Variants in GRK5 observed in about 807,000 individuals in gnomAD.
GRK5 encodes the protein g protein-coupled receptor kinase GRK5.
A neutral mutation model predicts 78.4 loss-of-function variants in GRK5; 40 were observed. That is an observed-to-expected ratio of 0.51 (90% CI 0.40 to 0.66). The LOEUF is 0.66. GRK5 is among the 30% of genes least tolerant of loss of function. GRK5 has a pLI of 0.00. For missense variants in GRK5, 598 were observed against 759.9 expected (o/e 0.79, Z 2.50); for synonymous variants, 289 against 296.8 (o/e 0.97, Z 0.27).
At chr10:119,227,959 TTTATC>T (rs1207484426) in intron 1 of GRK5, among the ~76,000 whole-genome samples, 1 of 152,142 alleles carries the variant, frequency 6.6e-6, no homozygotes, top group Non-Finnish European at 1.5e-5. Flanking sequence ...CGTCTAAGAT[TTTATC>T]TTAAGGAAAA....
In GRK5 at chr10:119,240,189, C is replaced by CTTTTT. The variant is rs55905745; in HGVS notation, c.52+32245_52+32249dup. Reference sequence around the variant, plus strand: ...ATCCTCTCCAGCATCTGTTTCCCGACTTTTTTTTTTTTTTTTTTTTTTTTT... The same window carrying CTTTTT: ...ATCCTCTCCAGCATCTGTTTCCCGACTTTTTTTTTTTTTTTTTTTTTTTTTTTTTT... On this transcript the variant is annotated intron_variant, in intron 1 of 15. Coordinates refer to ENST00000392870, the MANE Select transcript of GRK5 (RefSeq NM_005308.3). Among the ~76,000 whole-genome samples, 41 of 70,100 alleles carry CTTTTT rather than the reference C, an allele frequency of 5.8e-4. 6 individuals are homozygous for CTTTTT. Among genetic ancestry groups the CTTTTT allele is most frequent in the Non-Finnish European group, 7.5e-4 (28 of 37,578 alleles). 46.0% of individuals were successfully genotyped at this position (70,100 alleles called of 152,430 possible).
intron 4 of GRK5, among the ~76,000 whole-genome samples, chr10:119,402,921 A>G (rs1437907120): frequency 6.6e-6 from 1 of 152,238 alleles, no homozygotes; most frequent in Non-Finnish European, 1.5e-5. Context: ...TTCTCATACC[A>G]TAGAACTAAT....
chr10:119,283,696 TC>T (rs1849800520), intron 1 of GRK5, among the ~76,000 whole-genome samples: 2 of 152,126 alleles, frequency 1.3e-5, no homozygotes, highest in African/African-American at 4.8e-5. Flanking sequence ...TTCCCTGAGA[TC>T]CCAGAGTCAT....
rs1458831259 is a variant in GRK5, at chr10:119,452,825, A to G, written c.1542+17A>G. ...CAAAACGAGGTGAGCAGGGCAGACC[A>G]CTTGCTTTGGTCTGGGTGGGAGGGA... On this transcript the variant is annotated intron_variant, in intron 14 of 15. Coordinates refer to ENST00000392870, the MANE Select transcript of GRK5 (RefSeq NM_005308.3). The surrounding 1 kb of genome is among the most constrained non-coding windows in gnomAD (Gnocchi z 4.4). 2.9e-6 allele frequency: 3 copies of G among 1,019,912 alleles called. No homozygotes were observed. The highest frequency in any genetic ancestry group is 4.3e-6 in the Non-Finnish European group (3 of 703,888). The allele number at this position is 1,019,912 out of a possible 1,614,324, so 63.2% of individuals were successfully genotyped here.
chr10:119,413,108 G>A (rs942950253), intron 4 of GRK5, among the ~76,000 whole-genome samples: 4 of 152,066 alleles, frequency 2.6e-5, no homozygotes, highest in African/African-American at 7.2e-5. Flanking sequence ...GGAGGAGGGC[G>A]TTCTCTCCTA....
chr10:119,371,221 C>T (rs1851541285), intron 2 of GRK5, among the ~76,000 whole-genome samples: 1 of 152,222 alleles, frequency 6.6e-6, no homozygotes, highest in South Asian at 2.1e-4. Context: ...TCCCCGCTCC[C>T]CGTCCCCAGG....
intron 1 of GRK5, among the ~76,000 whole-genome samples, chr10:119,245,325 C>T (rs991582969): frequency 3.3e-5 from 5 of 152,054 alleles, no homozygotes; most frequent in African/African-American, 1.2e-4. Flanking sequence ...ATTTGCACTC[C>T]CTTGTTCATT....
chr10:119,351,120 C>T (rs1280874412), intron 2 of GRK5, among the ~76,000 whole-genome samples: 6 of 151,986 alleles, frequency 3.9e-5, no homozygotes, highest in Non-Finnish European at 8.8e-5. Context: ...ATGTGTTATG[C>T]ATTTATTTTA....
chr10:119,326,251 G>C (rs1027282535), intron 1 of GRK5, among the ~76,000 whole-genome samples: 3 of 152,264 alleles, frequency 2.0e-5, no homozygotes, highest in Admixed American at 6.5e-5. Flanking sequence ...GGGGATGCCT[G>C]GTGTGGGTGG....
At chr10:119,344,122 A>AT (rs1274147642) in intron 2 of GRK5, among the ~76,000 whole-genome samples, 1 of 135,082 alleles carries the variant, frequency 7.4e-6, no homozygotes, top group Non-Finnish European at 1.6e-5. Flanking sequence ...TTTATTTTTT[A>AT]TTTTTTTGGC....
Position 119,417,999 on chromosome 10 carries a change from G to A in GRK5, c.340-5167G>A, listed in dbSNP as rs556453979. 5.3e-4 allele frequency among the ~76,000 whole-genome samples: 81 copies of A among 152,334 alleles called. 1 individual carries two copies. The highest frequency in any genetic ancestry group is 1.9e-3 in the African/African-American group (77 of 41,582). ...GAACCAGTGGCATAGAGCAGAGAGC[G>A]AGTCTGGGCCATAGGGAAGAGGTGG... On this transcript the variant is annotated intron_variant, in intron 4 of 15. Coordinates refer to ENST00000392870, the MANE Select transcript of GRK5 (RefSeq NM_005308.3).
In GRK5 at chr10:119,267,841, C is replaced by T. The variant is rs1849526375; in HGVS notation, c.53-58675C>T. On this transcript the variant is annotated intron_variant, in intron 1 of 15. Transcript: ENST00000392870. The surrounding 1 kb of genome is among the most constrained non-coding windows in gnomAD (Gnocchi z 4.1). ...GTCAGAAGATGGGTCCTCTCCACCC[C>T]AGCTCCTCCACACTCCCCACCCCCC... 6.6e-6 allele frequency among the ~76,000 whole-genome samples: 1 copy of T among 152,164 alleles called. No homozygotes were observed. Among genetic ancestry groups the T allele is most frequent in the Non-Finnish European group, 1.5e-5 (1 of 68,034 alleles).
intron 4 of GRK5, among the ~76,000 whole-genome samples, chr10:119,419,997 A>C (rs1852536970): frequency 6.6e-6 from 1 of 152,134 alleles, no homozygotes; most frequent in Non-Finnish European, 1.5e-5. Context: ...AGAGTGGGGC[A>C]CAGGTGGCCC....
At chr10:119,285,338 AG>A (rs1849830370) in intron 1 of GRK5, among the ~76,000 whole-genome samples, 1 of 152,066 alleles carries the variant, frequency 6.6e-6, no homozygotes, top group Non-Finnish European at 1.5e-5. Flanking sequence ...GTACAGTGGG[AG>A]GGTGGGTGGT....
intron 8 of GRK5, among the ~76,000 whole-genome samples, chr10:119,432,713 C>T (rs539819890): frequency 8.5e-5 from 13 of 152,252 alleles, no homozygotes; most frequent in African/African-American, 3.1e-4. Context: ...GCATCATTCT[C>T]CTGAAGAGAT....
intron 4 of GRK5, among the ~76,000 whole-genome samples, chr10:119,421,696 G>A (rs1852572350): frequency 6.6e-6 from 1 of 152,236 alleles, no homozygotes. Context: ...ACTTGGGTAA[G>A]TGGTGTTTAC....
intron 1 of GRK5, among the ~76,000 whole-genome samples, chr10:119,209,379 A>G (rs1231690544): frequency 1.3e-5 from 2 of 151,574 alleles, no homozygotes; most frequent in East Asian, 1.9e-4. Flanking sequence ...TAAAATATTC[A>G]GGTTAGTCTC....
intron 1 of GRK5, among the ~76,000 whole-genome samples, chr10:119,218,504 C>T (rs938747376): frequency 6.6e-6 from 1 of 152,154 alleles, no homozygotes; most frequent in African/African-American, 2.4e-5. Context: ...ACAAATGTCC[C>T]AGGAAGAACA....
chr10:119,219,042 C>T (rs543634011), intron 1 of GRK5, among the ~76,000 whole-genome samples: 1 of 151,878 alleles, frequency 6.6e-6, no homozygotes, highest in South Asian at 2.1e-4. Flanking sequence ...GGACTACAGG[C>T]ACGTGCTGGG....
Sources: gnomAD v4.1 joint callset for allele counts (sites outside exome capture counted in the v4.1 genomes callset) on GRCh38, gnomAD v4.1.1 for gene constraint, Gnocchi (gnomAD v3.1) non-coding constraint, MANE v1.5 for transcripts, NCBI Gene and HGNC (gene_info 2026-07-23, HGNC 2026-07-21) for gene names.